Variants in SYCE1 observed in about 807,000 individuals in gnomAD.
The protein encoded by SYCE1 is synaptonemal complex central element protein 1.
SYCE1 carries 37 observed loss-of-function variants against 55.1 expected under a neutral mutation model. That is an observed-to-expected ratio of 0.67 (90% confidence interval 0.52 to 0.88). SYCE1 has a LOEUF of 0.88. SYCE1 is among the 40% of genes least tolerant of loss of function. SYCE1 has a pLI of 0.00. For missense variants in SYCE1, 399 were observed against 416.4 expected (o/e 0.96, Z 0.36); for synonymous variants, 163 against 159.4 (o/e 1.02, Z -0.17).
At chr10:133,560,389 T>C (rs1032140276) in intron 1 of SYCE1, 7 of 370,368 alleles carry the variant, frequency 1.9e-5, no homozygotes, top group African/African-American at 1.0e-4. Flanking sequence ...GGGTGCACTC[T>C]CACTGCTGAG....
rs1295917693 is a variant in SYCE1 at position 133,558,966 on chromosome 10, A to G, written c.197-15T>C. ...TTTCTTTTTTGCTTCACCAAAGAGC[A>G]GAAAAACATTGTGTGAGTGCAGCCT... On this transcript the variant is annotated splice_polypyrimidine_tract_variant and intron_variant, in intron 3 of 12. Coordinates refer to ENST00000343131, the MANE Select transcript of SYCE1 (RefSeq NM_001143764.3). 4 of 1,606,998 alleles carry G rather than the reference A, an allele frequency of 2.5e-6. No homozygotes were observed. In the South Asian group the frequency reaches 3.3e-5, roughly 13 times the overall value.
In SYCE1 at chr10:133,556,017, C is replaced by T. The variant is rs1383304834; in HGVS notation, c.559G>A (p.Ala187Thr). 6.2e-7 allele frequency: 1 copy of T among 1,614,126 alleles called. No individual in the cohort carries two copies. Among genetic ancestry groups the T allele is most frequent in the South Asian group, 1.1e-5 (1 of 91,078 alleles). ...AGCTGCTCCTTGCTGCTGTCCAGGG[C>T]ACAAATCTCCTTTGCCAGCCGCTCT... ...MPERLAKEIC[A>T]LDSSKEQLLK... Residue 187 changes from alanine to threonine, a missense_variant, in exon 9 of 13, where the codon GCC becomes ACC. Coordinates refer to ENST00000343131, the MANE Select transcript of SYCE1 (RefSeq NM_001143764.3).
At chr10:133,558,125 T>C (rs748628823) in intron 5 of SYCE1, 42 bp downstream of exon 5, 3 of 1,613,380 alleles carry the variant, frequency 1.9e-6, no homozygotes, top group African/African-American at 1.3e-5. Context: ...CTTCTGTGGG[T>C]TGGCAAAGGC....
At chr10:133,567,447 G>C (rs895238483), upstream of SYCE1, among the ~76,000 whole-genome samples, 3 of 151,924 alleles carry the variant, frequency 2.0e-5, no homozygotes, top group Admixed American at 1.3e-4. Context: ...CAGGGGTTAG[G>C]GGTAGGGGTT....
chr10:133,559,194 T>C, intron 3 of SYCE1, 107 bp downstream of exon 3: 1 of 1,255,528 alleles, frequency 8.0e-7, no homozygotes, highest in Non-Finnish European at 1.2e-6. Flanking sequence ...GTTGCTGTTG[T>C]GAATAACCAG....
At chr10:133,566,603 G>GGGGTTA (rs145120363), upstream of SYCE1, among the ~76,000 whole-genome samples, 87 of 129,870 alleles carry the variant, frequency 6.7e-4, no homozygotes, top group Non-Finnish European at 1.1e-3. Context: ...TTTTAGTGTT[G>GGGGTTA]GGGTTAGGGT....
intron 4 of SYCE1, chr10:133,558,541 G>A: frequency 5.7e-6 from 3 of 529,622 alleles, no homozygotes; most frequent in South Asian, 4.9e-5. Context: ...ACCAGATGGA[G>A]GCAGGGTGCC....
chr10:133,565,581 A>T lies in SYCE1; in HGVS notation c.-52T>A. On this transcript the variant is annotated 5_prime_UTR_variant, in exon 1 of 13. Transcript: ENST00000343131. ...CCTCGGGAGGGAGCCTCCAGTGGTG[A>T]TTGGAGCAACCGCCGCTGGGGGCAG... The T allele has an allele frequency of 6.5e-7, 1 of 1,529,490 alleles. No individual in the cohort carries two copies. Among genetic ancestry groups the T allele is most frequent in the African/African-American group, 1.4e-5 (1 of 72,784 alleles). The allele number at this position is 1,529,490 out of a possible 1,614,324, so 94.7% of individuals were successfully genotyped here.
At chr10:133,556,918 C>T in intron 7 of SYCE1, 96 bp from the exon 8 acceptor site, 1 of 1,542,484 alleles carries the variant, frequency 6.5e-7, no homozygotes, top group Non-Finnish European at 9.0e-7. Context: ...TTTTGGGGTG[C>T]TTTGCCCATG....
upstream of SYCE1, chr10:133,567,921 G>A (rs11101845): frequency 0.11 from 58,136 of 534,110 alleles, 3,949 homozygotes; most frequent in East Asian, 0.26. Flanking sequence ...GGTGGATGGC[G>A]AGGCAGCATG....
chr10:133,555,911 A>C lies in SYCE1; in HGVS notation c.596-8T>G. On this transcript the variant is annotated splice_polypyrimidine_tract_variant and splice_region_variant and intron_variant, in intron 9 of 12. Transcript: ENST00000343131. ...TCGCCTTGACCAGCTTCTCTGCAGC[A>C]CAAAGGGGCAGGTGAGCACATGAAG... The C allele has an allele frequency of 6.2e-7, 1 of 1,613,838 alleles. No individual in the cohort carries two copies. The highest frequency in any genetic ancestry group is 8.5e-7 in the Non-Finnish European group (1 of 1,179,818).
At chr10:133,557,974 A>G in intron 5 of SYCE1, 56 bp from the exon 6 acceptor site, 1 of 1,599,926 alleles carries the variant, frequency 6.3e-7, no homozygotes. Flanking sequence ...GGGTTTTGGC[A>G]GGGGGAACAC....
chr10:133,558,258 C>T (rs1240355454), intron 4 of SYCE1, 44 bp from the exon 5 acceptor site: 13 of 1,603,788 alleles, frequency 8.1e-6, no homozygotes, highest in Non-Finnish European at 1.1e-5. Context: ...CTATGCACTG[C>T]ACCCTCAGGG....
downstream of SYCE1, chr10:133,554,155 T>C: frequency 1.4e-6 from 1 of 700,510 alleles, no homozygotes; most frequent in South Asian, 2.1e-5. Flanking sequence ...GATAGTATAT[T>C]GCCAGTTTGT....
At chr10:133,557,215 C>T in intron 6 of SYCE1, 59 bp from the exon 7 acceptor site, 2 of 1,437,782 alleles carry the variant, frequency 1.4e-6, no homozygotes, top group Non-Finnish European at 2.0e-6. Flanking sequence ...GGGCACTGGG[C>T]TGGGGCTTCT....
chr10:133,554,649 T>G (rs115621592), downstream of SYCE1: 3,076 of 724,946 alleles, frequency 4.2e-3, no homozygotes, highest in African/African-American at 0.046. Flanking sequence ...TTAATTTTTT[T>G]TTTAATTTCA....
rs756705950 is a variant in SYCE1 at position 133,555,983 on chromosome 10, TC to T, written c.592del (p.Glu198LysfsTer12). 1.9e-5 allele frequency: 31 copies of T among 1,614,072 alleles called. No individual in the cohort carries two copies. The highest frequency in any genetic ancestry group is 2.3e-5 in the Non-Finnish European group (27 of 1,180,038). Reference sequence around the variant, plus strand: ...CCATCCACCTTCCCTGGTCTCACCTTCCTTGAGCAGCTGCTCCTTGCTGCTG... The same window carrying T: ...CCATCCACCTTCCCTGGTCTCACCTTCTTGAGCAGCTGCTCCTTGCTGCTG... Reference protein sequence around the residue: ...LDSSKEQLLKEEKLVKATLED... With the variant: ...LDSSKEQLLKXEKLVKATLED... On this transcript the variant is annotated frameshift_variant, in exon 9 of 13. Coordinates refer to ENST00000343131, the MANE Select transcript of SYCE1 (RefSeq NM_001143764.3). LOFTEE classifies it high-confidence loss of function.
intron 8 of SYCE1, 110 bp from the exon 9 acceptor site, chr10:133,556,157 ACT>A: frequency 7.9e-7 from 1 of 1,268,222 alleles, no homozygotes. Flanking sequence ...ACTTCCAACA[ACT>A]CTGCCCCTCT....
At chr10:133,557,972 G>A (rs1046534182) in intron 5 of SYCE1, 54 bp from the exon 6 acceptor site, 112 of 1,604,524 alleles carry the variant, frequency 7.0e-5, no homozygotes, top group Non-Finnish European at 9.5e-5. Context: ...TTGGGTTTTG[G>A]CAGGGGGAAC....
Sources: allele counts gnomAD v4.1 joint callset (sites outside exome capture counted in the v4.1 genomes callset), GRCh38; gene constraint gnomAD v4.1.1; transcripts MANE v1.5; gene names NCBI Gene and HGNC (gene_info 2026-07-23, HGNC 2026-07-21).